EXD3: variants seen among roughly 807,000 people sequenced by gnomAD.
EXD3 encodes exonuclease mut-7 homolog.
EXD3 carries 92 observed loss-of-function variants against 98.0 expected under a neutral mutation model. The ratio of observed to expected loss-of-function variants is 0.94; its 90% CI spans 0.79 to 1.12. The LOEUF is 1.12. EXD3 is among the 50% of genes most tolerant of loss of function. The probability of loss-of-function intolerance (pLI) is 0.00; values close to 1 mark genes in which losing one functional copy is unlikely to be tolerated. For missense variants in EXD3, 1,222 were observed against 1,191.6 expected (o/e 1.03, Z -0.38); for synonymous variants, 569 against 526.0 (o/e 1.08, Z -1.12).
chr9:137,400,580 A>G (rs925550765), intron 1 of EXD3, among the ~76,000 whole-genome samples: 1 of 152,136 alleles, frequency 6.6e-6, no homozygotes, highest in African/African-American at 2.4e-5. Flanking sequence ...AGCCTGACCA[A>G]CATGGAGAAA....
intron 1 of EXD3, among the ~76,000 whole-genome samples, chr9:137,401,834 C>T (rs1283383986): frequency 6.6e-6 from 1 of 152,230 alleles, no homozygotes; most frequent in African/African-American, 2.4e-5. Flanking sequence ...CCATGAAGGT[C>T]TCTGACATGA....
rs116199422 is a variant in EXD3, at chr9:137,399,253, C to T, written c.-47-3849G>A. 8.8e-3 allele frequency among the ~76,000 whole-genome samples: 1,334 copies of T among 152,296 alleles called. 22 individuals are homozygous for T. The highest frequency in any genetic ancestry group is 0.03 in the African/African-American group (1,261 of 41,560). ...GTGCCAGCATCTTCTGGGGAGACCC[C>T]GGGGCCGTGGCCGGATCCCAGCAGG... On this transcript the variant is annotated intron_variant, in intron 1 of 21. Transcript: ENST00000340951.
At position 137,371,198 on chromosome 9, in the gene EXD3, C is replaced by T. The variant is rs1221458000; in HGVS notation, c.462+1707G>A. On this transcript the variant is annotated intron_variant, in intron 5 of 21. Coordinates refer to ENST00000340951, the MANE Select transcript of EXD3 (RefSeq NM_017820.5). This position sits in a 1 kb window ranked among gnomAD's most constrained non-coding sequence, Gnocchi z 8.0. ...CTCTGTAACAGAAGACGGCCCGAAA[C>T]ACTAGCCTGCCTTCTGCCTCCCTGC... 1.3e-5 allele frequency among the ~76,000 whole-genome samples: 2 copies of T among 152,216 alleles called. No homozygotes were observed. The highest frequency in any genetic ancestry group is 1.3e-4 in the Admixed American group (2 of 15,294).
chr9:137,316,885 C>T (rs7028175), intron 19 of EXD3, among the ~76,000 whole-genome samples: 1 of 152,204 alleles, frequency 6.6e-6, no homozygotes, highest in Non-Finnish European at 1.5e-5. Flanking sequence ...TCAGCCCACC[C>T]TGCTCTGGTC....
intron 17 of EXD3, among the ~76,000 whole-genome samples, chr9:137,332,054 G>A (rs1046411122): frequency 7.2e-5 from 11 of 152,084 alleles, no homozygotes; most frequent in Admixed American, 3.3e-4. Flanking sequence ...ACTCTACAAG[G>A]AGAACTACAA....
intron 19 of EXD3, among the ~76,000 whole-genome samples, chr9:137,321,918 C>T (rs1013106060): frequency 6.6e-6 from 1 of 152,188 alleles, no homozygotes; most frequent in South Asian, 2.1e-4. Context: ...TCCCCCCAGA[C>T]TGGCCATGCC....
chr9:137,337,630 G>A (rs903100941), intron 17 of EXD3, among the ~76,000 whole-genome samples: 4 of 151,474 alleles, frequency 2.6e-5, no homozygotes, highest in South Asian at 2.1e-4. Flanking sequence ...CAGCCTGGGC[G>A]ACAGAGCGAG....
At chr9:137,321,210 CG>C (rs1554799541) in intron 19 of EXD3, among the ~76,000 whole-genome samples, 1 of 152,232 alleles carries the variant, frequency 6.6e-6, no homozygotes, top group Non-Finnish European at 1.5e-5. Context: ...GGCAGAAGGG[CG>C]GTAGCAGAAG....
chr9:137,402,162 C>T (rs13299161), intron 1 of EXD3, among the ~76,000 whole-genome samples: 59,820 of 151,842 alleles, frequency 0.39, 12,650 homozygotes, highest in East Asian at 0.61. Context: ...ATTACAGGTG[C>T]GTGCCACCAC....
intron 1 of EXD3, among the ~76,000 whole-genome samples, chr9:137,416,362 C>T (rs1446490887): frequency 2.0e-5 from 3 of 152,230 alleles, no homozygotes; most frequent in Non-Finnish European, 2.9e-5. Flanking sequence ...GTCACACAGC[C>T]TCTGCCACCT....
At chr9:137,391,542 A>C (rs1354496542) in intron 2 of EXD3, among the ~76,000 whole-genome samples, 1 of 151,842 alleles carries the variant, frequency 6.6e-6, no homozygotes, top group African/African-American at 2.4e-5. Flanking sequence ...GAGCTGCTGC[A>C]TCTGCCAGAG....
chr9:137,367,174 G>A (rs1157911043), intron 6 of EXD3, among the ~76,000 whole-genome samples: 3 of 152,110 alleles, frequency 2.0e-5, no homozygotes, highest in Non-Finnish European at 4.4e-5. Flanking sequence ...TGCCCCACAG[G>A]TGAGGCTGCC....
chr9:137,387,441 G>C (rs752803572), intron 2 of EXD3, among the ~76,000 whole-genome samples: 1 of 152,186 alleles, frequency 6.6e-6, no homozygotes, highest in African/African-American at 2.4e-5. Flanking sequence ...CTGCCGTGCC[G>C]GGCTCAGACA....
intron 2 of EXD3, among the ~76,000 whole-genome samples, chr9:137,384,563 A>G (rs2131727297): frequency 6.6e-6 from 1 of 152,368 alleles, no homozygotes; most frequent in African/African-American, 2.4e-5. Context: ...AGCCGTCCCA[A>G]GCAGGTGGCA....
intron 17 of EXD3, among the ~76,000 whole-genome samples, chr9:137,344,985 A>G (rs1833845620): frequency 1.3e-5 from 2 of 151,568 alleles, no homozygotes; most frequent in Non-Finnish European, 2.9e-5. Context: ...CTGAATGTCC[A>G]GGTCTTCTGC....
intron 3 of EXD3, chr9:137,374,963 G>GT (rs1278866554): frequency 1.7e-6 from 1 of 579,404 alleles, no homozygotes; most frequent in East Asian, 1.4e-4. Context: ...TATAGCTCTA[G>GT]TGAGTTCCAG....
At chr9:137,419,908 C>T (rs138208984) in intron 1 of EXD3, among the ~76,000 whole-genome samples, 1,560 of 152,190 alleles carry the variant, frequency 0.01, 25 homozygotes, top group African/African-American at 0.035. Flanking sequence ...GCCTGTAATC[C>T]CAGCACTTTG....
chr9:137,365,632 CACGTGCACACACAT>C (rs1835191234), intron 7 of EXD3: 6 of 221,276 alleles, frequency 2.7e-5, no homozygotes, highest in Admixed American at 5.2e-5. Context: ...CAGGCACACA[CACGTGCACACACAT>C]ACATGTACAC....
At chr9:137,315,726 C>T (rs1335873265) in intron 19 of EXD3, among the ~76,000 whole-genome samples, 2 of 152,078 alleles carry the variant, frequency 1.3e-5, no homozygotes, top group Admixed American at 1.3e-4. Flanking sequence ...TGTTAGCAAG[C>T]GCCTGTGTTT....
Sources: gnomAD v4.1 joint callset for allele counts (sites outside exome capture counted in the v4.1 genomes callset) on GRCh38, gnomAD v4.1.1 for gene constraint, Gnocchi (gnomAD v3.1) non-coding constraint, MANE v1.5 for transcripts, NCBI Gene and HGNC (gene_info 2026-07-23, HGNC 2026-07-21) for gene names.